AGBL1: variants seen among roughly 807,000 people sequenced by gnomAD.
AGBL1 encodes AGBL carboxypeptidase 1.
In AGBL1, 130 loss-of-function variants were observed where a neutral mutation model predicts 118.9. The ratio of observed to expected loss-of-function variants is 1.09; its 90% CI spans 0.95 to 1.26. The LOEUF is 1.26. Ranked by LOEUF, AGBL1 falls within the 50% of genes most tolerant of loss-of-function variation. AGBL1 has a pLI of 0.00. For synonymous variants in AGBL1, 555 were observed against 478.9 expected (o/e 1.16, Z -2.08); for missense variants, 1,584 against 1,298.1 (o/e 1.22, Z -3.38).
chr15:86,568,615 G>C (rs1326228267), intron 21 of AGBL1, among the ~76,000 whole-genome samples: 3 of 152,186 alleles, frequency 2.0e-5, no homozygotes, highest in Non-Finnish European at 4.4e-5. Flanking sequence ...ATCTTCTTAG[G>C]ATGCTCTGTC....
chr15:86,165,963 T>G (rs759287671), intron 5 of AGBL1, among the ~76,000 whole-genome samples: 3 of 152,166 alleles, frequency 2.0e-5, no homozygotes, highest in Non-Finnish European at 4.4e-5. Flanking sequence ...GTTATAGGGT[T>G]AAAGCCCTTT....
In AGBL1 at chr15:86,938,400, G is replaced by T. The variant is rs1260866690; in HGVS notation, c.3222-49587G>T. Among the ~76,000 whole-genome samples the T allele has an allele frequency of 3.3e-5, 5 of 152,102 alleles. No individual in the cohort carries two copies. In the East Asian group the frequency reaches 9.6e-4, roughly 29 times the overall value. On this transcript the variant is annotated intron_variant, in intron 23 of 24. Transcript: ENST00000441037. ...ATGGAAGAAACTTTTGACCTAATTT[G>T]GTAGAGCTACTAAAATAATCATAGT...
At chr15:86,243,876 C>T (rs529893973) in intron 6 of AGBL1, among the ~76,000 whole-genome samples, 4 of 151,838 alleles carry the variant, frequency 2.6e-5, no homozygotes, top group East Asian at 2.0e-4. Flanking sequence ...CAAAATTAGC[C>T]GGGTGTAGTG....
At chr15:86,716,549 G>A (rs2086641358) in intron 22 of AGBL1, among the ~76,000 whole-genome samples, 1 of 152,084 alleles carries the variant, frequency 6.6e-6, no homozygotes, top group African/African-American at 2.4e-5. Context: ...ATAACCAACT[G>A]ACCAAGACTT....
intron 1 of AGBL1, among the ~76,000 whole-genome samples, chr15:86,100,957 T>C (rs1217292576): frequency 1.3e-5 from 2 of 152,170 alleles, no homozygotes; most frequent in Non-Finnish European, 2.9e-5. Context: ...ATGTGCATTG[T>C]TAGAATGTTT....
chr15:86,681,198 G>A (rs757067898), intron 22 of AGBL1, among the ~76,000 whole-genome samples: 2 of 152,072 alleles, frequency 1.3e-5, no homozygotes, highest in Non-Finnish European at 2.9e-5. Flanking sequence ...AATTCTGGAA[G>A]TATGTCTCAA....
At chr15:86,883,843 A>G (rs2079931033) in intron 22 of AGBL1, among the ~76,000 whole-genome samples, 1 of 152,164 alleles carries the variant, frequency 6.6e-6, no homozygotes, top group Non-Finnish European at 1.5e-5. Context: ...ATTTTAGTGC[A>G]TTTAGGATTT....
intron 1 of AGBL1, among the ~76,000 whole-genome samples, chr15:86,138,950 C>G (rs55812303): frequency 0.046 from 6,991 of 152,222 alleles, 236 homozygotes; most frequent in East Asian, 0.088. Context: ...GGCTAGAGTC[C>G]TGAACATTCC....
intron 17 of AGBL1, among the ~76,000 whole-genome samples, chr15:86,335,937 A>G (rs1283702812): frequency 6.6e-6 from 1 of 152,206 alleles, no homozygotes; most frequent in Non-Finnish European, 1.5e-5. Flanking sequence ...TTATTTCGAT[A>G]AGCTTCAATC....
chr15:86,980,098 G>A (rs142881105), intron 23 of AGBL1, among the ~76,000 whole-genome samples: 85 of 152,236 alleles, frequency 5.6e-4, no homozygotes, highest in African/African-American at 2.0e-3. Flanking sequence ...CATCTTATTT[G>A]ATTTTAACCT....
intron 22 of AGBL1, among the ~76,000 whole-genome samples, chr15:86,802,798 A>T (rs74027103): frequency 2.0e-5 from 3 of 152,238 alleles, no homozygotes; most frequent in Admixed American, 6.5e-5. Flanking sequence ...CCTGCATTTA[A>T]ACTGAACCTC....
chr15:86,735,481 A>G (rs1327507252), intron 22 of AGBL1, among the ~76,000 whole-genome samples: 2 of 151,954 alleles, frequency 1.3e-5, no homozygotes, highest in African/African-American at 4.8e-5. Flanking sequence ...ACACATATAT[A>G]TTGAAGATCA....
intron 18 of AGBL1, among the ~76,000 whole-genome samples, chr15:86,445,389 A>T (rs1473562088): frequency 6.6e-6 from 1 of 152,244 alleles, no homozygotes; most frequent in Non-Finnish European, 1.5e-5. Context: ...GCTTCAGCCA[A>T]AGCAGGAGCA....
At chr15:86,411,622 T>G (rs985539206) in intron 18 of AGBL1, among the ~76,000 whole-genome samples, 4 of 152,172 alleles carry the variant, frequency 2.6e-5, no homozygotes, top group African/African-American at 9.7e-5. Context: ...CCCATACATT[T>G]TCACTCCACA....
chr15:86,672,244 GGACTACTTGTTACAAT>G (rs1261730316), intron 21 of AGBL1, among the ~76,000 whole-genome samples: 2 of 152,150 alleles, frequency 1.3e-5, no homozygotes, highest in Non-Finnish European at 2.9e-5. Context: ...AAGGTCTTCT[GGACTACTTGTTACAAT>G]GACAACTATG....
At chr15:86,275,954 C>T (rs1396174497) in intron 15 of AGBL1, among the ~76,000 whole-genome samples, 1 of 152,084 alleles carries the variant, frequency 6.6e-6, no homozygotes, top group Non-Finnish European at 1.5e-5. Context: ...TGGTATCTAC[C>T]TAATAGAAGT....
chr15:86,860,656 A>G (rs936124954), intron 22 of AGBL1, among the ~76,000 whole-genome samples: 1 of 152,076 alleles, frequency 6.6e-6, no homozygotes, highest in African/African-American at 2.4e-5. Flanking sequence ...ATCAAGCCCA[A>G]GGAGCTTATT....
chr15:86,663,468 G>A (rs377081600), intron 21 of AGBL1, among the ~76,000 whole-genome samples: 1 of 152,120 alleles, frequency 6.6e-6, no homozygotes, highest in South Asian at 2.1e-4. Context: ...CACCACACGA[G>A]GTAGCTGCAG....
chr15:86,330,043 A>G (rs569359304), intron 17 of AGBL1, among the ~76,000 whole-genome samples: 87 of 152,242 alleles, frequency 5.7e-4, no homozygotes, highest in African/African-American at 2.0e-3. Flanking sequence ...TGCTCGTTGG[A>G]TTCTCCCTCT....
Sources: gnomAD v4.1 joint callset for allele counts (sites outside exome capture counted in the v4.1 genomes callset) on GRCh38, gnomAD v4.1.1 for gene constraint, MANE v1.5 for transcripts, NCBI Gene and HGNC (gene_info 2026-07-23, HGNC 2026-07-21) for gene names.